SAFB2: variants seen among roughly 807,000 people sequenced by gnomAD.
SAFB2 encodes scaffold attachment factor B2.
In SAFB2, 32 loss-of-function variants were observed where a neutral mutation model predicts 100.6. The observed-to-expected ratio is 0.32, with a 90% CI of 0.24 to 0.43. The LOEUF is 0.43. Ranked by LOEUF, SAFB2 falls within the 20% of genes least tolerant of loss-of-function variation. The pLI, the probability that SAFB2 is intolerant of heterozygous loss-of-function variation, is 1.00. For synonymous variants in SAFB2, 500 were observed against 439.4 expected, an observed-to-expected ratio of 1.14 and a Z score of -1.72; for missense variants, 1,185 against 1,163.4, an observed-to-expected ratio of 1.02 and a Z score of -0.27.
Position 5,587,044 on chromosome 19 carries a change from C to G in SAFB2, c.*199G>C. On this transcript the variant is annotated 3_prime_UTR_variant, in exon 21 of 21. Coordinates refer to ENST00000252542, the MANE Select transcript of SAFB2 (RefSeq NM_014649.3). This position sits in a 1 kb window ranked among gnomAD's most constrained non-coding sequence, Gnocchi z 4.9. ...AATGGAAAATGGAATGCCTCGTTAA[C>G]AGAAACCTTGATTTAAAAATGGCAG... is the stretch of plus-strand genomic sequence containing the variant. 1 of 729,114 alleles carries G rather than the reference C, an allele frequency of 1.4e-6. No homozygotes were observed. Among genetic ancestry groups the G allele is most frequent in the East Asian group, 2.7e-5 (1 of 37,060 alleles). 45.2% of individuals were successfully genotyped at this position (729,114 alleles called of 1,614,324 possible). A position where few individuals can be genotyped will look rare whatever the true frequency, so the allele number is the denominator to read the frequency against.
intron 12 of SAFB2, 91 bp downstream of exon 12, chr19:5,600,039 A>C: frequency 1.5e-6 from 2 of 1,342,576 alleles, no homozygotes; most frequent in Non-Finnish European, 2.1e-6. Context: ...CCATGTCACC[A>C]GAGCTTGCTG....
At chr19:5,621,494 G>C (rs879103166) in intron 1 of SAFB2, 98 bp from the exon 2 acceptor site, 1 of 846,878 alleles carries the variant, frequency 1.2e-6, no homozygotes, top group Non-Finnish European at 2.0e-6. Context: ...AGGCAAACCC[G>C]TCCTTGCAAA....
chr19:5,600,014 T>C, intron 12 of SAFB2, 116 bp downstream of exon 12: 6 of 1,064,830 alleles, frequency 5.6e-6, no homozygotes, highest in Non-Finnish European at 6.9e-6. Context: ...CACTGCCATA[T>C]GAACAGCGAA....
intron 16 of SAFB2, among the ~76,000 whole-genome samples, chr19:5,592,298 C>A (rs1315866866): frequency 6.6e-6 from 1 of 152,184 alleles, no homozygotes; most frequent in Non-Finnish European, 1.5e-5. Flanking sequence ...CCAAGGGCTG[C>A]CTTTTTAATA....
chr19:5,596,281 T>G (rs982559616), intron 13 of SAFB2, among the ~76,000 whole-genome samples: 1 of 152,120 alleles, frequency 6.6e-6, no homozygotes, highest in Non-Finnish European at 1.5e-5. Flanking sequence ...AAAGAGAATA[T>G]GCCAAAATGC....
intron 17 of SAFB2, chr19:5,591,417 T>C: frequency 4.7e-6 from 1 of 214,976 alleles, no homozygotes; most frequent in Non-Finnish European, 9.4e-6. Flanking sequence ...TAGCTGGGAC[T>C]ACAGGCACTC....
At chr19:5,611,851 C>G (rs2052914491) in intron 6 of SAFB2, 1 of 734,952 alleles carries the variant, frequency 1.4e-6, no homozygotes, top group Non-Finnish European at 2.4e-6. Flanking sequence ...AGAAAAGGCC[C>G]CCACAGATTT....
In SAFB2 at chr19:5,621,353, T is replaced by C. The variant is rs763927660; in HGVS notation, c.230A>G (p.Glu77Gly). ...EGQDPDEIGIELEATSKKSAK... is the reference protein window; with the variant it reads ...EGQDPDEIGIGLEATSKKSAK... ...TGACTTCTTGCTGGTGGCTTCTAAC[T>C]CGATGCCAATTTCATCAGGATCTTG... The change falls in exon 2 of 21, where the codon GAG becomes GGG. Residue 77 changes from glutamate to glycine, a missense_variant. By Grantham distance (98) the Glu-to-Gly change is moderately conservative. Transcript: ENST00000252542. The C allele has an allele frequency of 4.6e-5, 75 of 1,613,816 alleles. No homozygotes were observed. The highest frequency in any genetic ancestry group is 6.3e-5 in the Non-Finnish European group (74 of 1,179,786).
At chr19:5,594,263 G>C in intron 14 of SAFB2, 85 bp from the exon 15 acceptor site, 1 of 1,423,504 alleles carries the variant, frequency 7.0e-7, no homozygotes. Context: ...GTGTGTATTG[G>C]AAGCAGAAAA....
chr19:5,601,154 A>T (rs945705), intron 11 of SAFB2, among the ~76,000 whole-genome samples: 62,927 of 151,570 alleles, frequency 0.42, 13,564 homozygotes, highest in East Asian at 0.75. Context: ...CTTTAAAAAA[A>T]ATATATATAT....
At position 5,609,858 on chromosome 19, in the gene SAFB2, G is replaced by T. The variant is rs968782400; in HGVS notation, c.1296+137C>A. The T allele has an allele frequency of 2.9e-5, 21 of 725,706 alleles. No individual in the cohort carries two copies. In the Middle Eastern group the frequency reaches 9.9e-4, roughly 34 times the overall value. 45.0% of individuals were successfully genotyped at this position (725,706 alleles called of 1,614,324 possible). A position where few individuals can be genotyped will look rare whatever the true frequency, so the allele number is the denominator to read the frequency against. Reference sequence around the variant, plus strand: ...TTGCTATGTTGCCCAGGCTGGTCTTGAACTCCTGGGCTCAAGCAATCCTCC... The same window carrying T: ...TTGCTATGTTGCCCAGGCTGGTCTTTAACTCCTGGGCTCAAGCAATCCTCC... On this transcript the variant is annotated intron_variant, in intron 9 of 20. Transcript: ENST00000252542.
Position 5,587,113 on chromosome 19 carries a change from C to A in SAFB2, c.*130G>T. ...TAAAAAAAAAAAAAAAGTGAGTTCACATTGTATTGAGCTACAACATGGTGG... is the reference window on the plus strand; with the variant it reads ...TAAAAAAAAAAAAAAAGTGAGTTCAAATTGTATTGAGCTACAACATGGTGG... On this transcript the variant is annotated 3_prime_UTR_variant, in exon 21 of 21. Transcript: ENST00000252542. The surrounding 1 kb of genome is among the most constrained non-coding windows in gnomAD (Gnocchi z 4.9). 7.0e-6 allele frequency: 8 copies of A among 1,142,848 alleles called. No homozygotes were observed. Among genetic ancestry groups the A allele is most frequent in the Non-Finnish European group, 8.6e-6 (7 of 813,746 alleles). The allele number at this position is 1,142,848 out of a possible 1,614,324, so 70.8% of individuals were successfully genotyped here.
intron 11 of SAFB2, among the ~76,000 whole-genome samples, chr19:5,602,674 A>T (rs1364438791): frequency 6.6e-6 from 1 of 151,990 alleles, no homozygotes; most frequent in Non-Finnish European, 1.5e-5. Flanking sequence ...TACAAGGACC[A>T]AGGAAACTGC....
Position 5,587,826 on chromosome 19 carries a change from T to A in SAFB2, c.2638+42A>T. The A allele has an allele frequency of 6.3e-7, 1 of 1,578,592 alleles. No homozygotes were observed. The highest frequency in any genetic ancestry group is 1.1e-5 in the South Asian group (1 of 87,112). Reference sequence around the variant, plus strand: ...TCCTGGGGAAGCCCCTGGACACATGTGGGGGCCACAGCCACCCTCGTCCCT... The same window carrying A: ...TCCTGGGGAAGCCCCTGGACACATGAGGGGGCCACAGCCACCCTCGTCCCT... On this transcript the variant is annotated intron_variant, in intron 19 of 20. Transcript: ENST00000252542. This position sits in a 1 kb window ranked among gnomAD's most constrained non-coding sequence, Gnocchi z 4.9.
chr19:5,622,654 C>T lies in SAFB2; in HGVS notation c.62G>A (p.Gly21Asp), dbSNP rs749838465. 3.1e-6 allele frequency: 5 copies of T among 1,609,396 alleles called. No individual in the cohort carries two copies. In the African/African-American group the frequency reaches 6.7e-5, roughly 21 times the overall value. The part of the protein sequence containing the change: ...SGPGTASLGP[G>D]VAETGTRRLS... ...CCGCCTCGTCCCAGTCTCCGCAACG[C>T]CCGGGCCGAGAGAAGCCGTGCCAGG... The change falls in exon 1 of 21, where the codon GGC becomes GAC. Residue 21 changes from glycine to aspartate, a missense_variant. Physicochemically the swap from Gly to Asp is moderately conservative, Grantham distance 94 (BLOSUM62 -1). Transcript: ENST00000252542.
intron 11 of SAFB2, among the ~76,000 whole-genome samples, chr19:5,602,796 C>A (rs531246250): frequency 6.6e-6 from 1 of 152,272 alleles, no homozygotes; most frequent in African/African-American, 2.4e-5. Flanking sequence ...CCAAGAACAC[C>A]GCAAACCTGC....
intron 8 of SAFB2, chr19:5,610,373 T>C: frequency 1.7e-6 from 1 of 585,512 alleles, no homozygotes; most frequent in South Asian, 2.1e-5. Context: ...GTCTCTAAAA[T>C]CCTTGAAACA....
chr19:5,587,935 G>T lies in SAFB2; in HGVS notation c.2571C>A (p.His857Gln). The stretch of plus-strand genomic sequence containing the variant: ...TGGCACCCTGCCAGGCGCGTGCCTG[G>T]TGCTCCTCTAGCCGCTGGTTGTGCT... The part of the protein sequence containing the change: ...WGEHNQRLEE[H>Q]QARAWQGAMD... Residue 857 changes from histidine (H) to glutamine (Q), a missense_variant, in exon 19 of 21, where the codon CAC becomes CAA. Around this residue, in one of 3 missense-constraint regions of SAFB2, gnomAD observed 740 missense variants for 687.1 expected, o/e 1.08. Transcript: ENST00000252542. This position sits in a 1 kb window ranked among gnomAD's most constrained non-coding sequence, Gnocchi z 4.9. 1 of 1,612,778 alleles carries T rather than the reference G, an allele frequency of 6.2e-7. No individual in the cohort carries two copies. The highest frequency in any genetic ancestry group is 8.5e-7 in the Non-Finnish European group (1 of 1,179,882).
chr19:5,604,557 AGAG>A, intron 11 of SAFB2, 23 bp downstream of exon 11: 1 of 1,576,662 alleles, frequency 6.3e-7, no homozygotes, highest in Non-Finnish European at 8.7e-7. Flanking sequence ...AGGGATTCCA[AGAG>A]GAGGTTTGAA....
Sources: gnomAD v4.1 joint callset for allele counts (sites outside exome capture counted in the v4.1 genomes callset) on GRCh38, gnomAD v4.1.1 for gene constraint, gnomAD v4.1.1 regional missense constraint, Gnocchi (gnomAD v3.1) non-coding constraint, MANE v1.5 for transcripts, NCBI Gene and HGNC (gene_info 2026-07-23, HGNC 2026-07-21) for gene names.